PNLIPRP3: variants seen among roughly 807,000 people sequenced by gnomAD.
PNLIPRP3 encodes the protein pancreatic lipase-related protein 3.
PNLIPRP3 carries 58 observed loss-of-function variants against 52.8 expected under a neutral mutation model. The observed-to-expected ratio is 1.10, with a 90% CI of 0.89 to 1.37. PNLIPRP3 has a LOEUF of 1.37. PNLIPRP3 is among the 40% of genes most tolerant of loss of function. The pLI is 0.00. For missense variants in PNLIPRP3, 593 were observed against 561.6 expected (o/e 1.06, Z -0.57); for synonymous variants, 192 against 185.0 (o/e 1.04, Z -0.31).
In PNLIPRP3 at chr10:116,477,271, C is replaced by T; in HGVS notation, c.*118C>T. The T allele has an allele frequency of 2.7e-6, 2 of 749,786 alleles. No homozygotes were observed. The highest frequency in any genetic ancestry group is 3.7e-5 in the South Asian group (2 of 53,492). 46.4% of individuals were successfully genotyped at this position (749,786 alleles called of 1,614,324 possible). ...AAATGACTTAGTCATTTACAAGGGT[C>T]TTACTCAGAGTCAAGTACGGGTTTG... On this transcript the variant is annotated 3_prime_UTR_variant, in exon 12 of 12. Transcript: ENST00000369230.
intron 2 of PNLIPRP3, among the ~76,000 whole-genome samples, chr10:116,441,064 T>G (rs1845851668): frequency 6.6e-6 from 1 of 152,208 alleles, no homozygotes; most frequent in African/African-American, 2.4e-5. Context: ...GTTTCTATCC[T>G]TGTGGCAGCA....
chr10:116,436,965 C>T (rs969294826), intron 2 of PNLIPRP3, 100 bp downstream of exon 2: 5 of 1,193,064 alleles, frequency 4.2e-6, no homozygotes, highest in Admixed American at 2.6e-5. Flanking sequence ...CTGACATATG[C>T]TATTGACTTA....
At position 116,463,116 on chromosome 10, in the gene PNLIPRP3, T is replaced by C. The variant is rs576556920; in HGVS notation, c.808+1826T>C. Reference sequence around the variant, plus strand: ...GTCTTTGTTTAATAAAAATGGATGATGCCAATTATTAATCTGTGCTGACGA... The same window carrying C: ...GTCTTTGTTTAATAAAAATGGATGACGCCAATTATTAATCTGTGCTGACGA... On this transcript the variant is annotated intron_variant, in intron 7 of 11. Transcript: ENST00000369230. Among the ~76,000 whole-genome samples, 8 of 152,370 alleles carry C rather than the reference T, an allele frequency of 5.3e-5. No homozygotes were observed. In the South Asian group the frequency reaches 6.2e-4, roughly 12 times the overall value.
At chr10:116,458,779 G>A (rs955552558) in intron 5 of PNLIPRP3, among the ~76,000 whole-genome samples, 1 of 152,062 alleles carries the variant, frequency 6.6e-6, no homozygotes, top group African/African-American at 2.4e-5. Context: ...CTTGTCAATA[G>A]AAGCGCTGTG....
intron 2 of PNLIPRP3, among the ~76,000 whole-genome samples, chr10:116,442,136 T>A (rs1845867270): frequency 6.6e-6 from 1 of 152,214 alleles, no homozygotes; most frequent in Non-Finnish European, 1.5e-5. Flanking sequence ...AGTATTCATT[T>A]TTTCCAATAG....
intron 4 of PNLIPRP3, among the ~76,000 whole-genome samples, chr10:116,450,914 C>T (rs964276526): frequency 8.6e-5 from 13 of 151,514 alleles, no homozygotes; most frequent in East Asian, 5.8e-4. Context: ...TTCCAGTGGC[C>T]TTTTTTTTAA....
chr10:116,476,917 T>G (rs1846479264), intron 11 of PNLIPRP3, 98 bp downstream of exon 11: 1 of 1,326,706 alleles, frequency 7.5e-7, no homozygotes, highest in Non-Finnish European at 1.0e-6. Context: ...GCATAAAAAT[T>G]TATAGACTTT....
At chr10:116,462,593 C>G (rs1266517935) in intron 7 of PNLIPRP3, among the ~76,000 whole-genome samples, 1 of 152,116 alleles carries the variant, frequency 6.6e-6, no homozygotes, top group Non-Finnish European at 1.5e-5. Context: ...AAAACCCACA[C>G]AACTGTCTAA....
At chr10:116,456,509 A>C (rs1846115818) in intron 5 of PNLIPRP3, among the ~76,000 whole-genome samples, 1 of 152,222 alleles carries the variant, frequency 6.6e-6, no homozygotes, top group Non-Finnish European at 1.5e-5. Flanking sequence ...AATGAGTTTG[A>C]ATCCCACTGA....
At chr10:116,471,412 T>C (rs1846370351) in intron 9 of PNLIPRP3, among the ~76,000 whole-genome samples, 1 of 152,240 alleles carries the variant, frequency 6.6e-6, no homozygotes, top group Non-Finnish European at 1.5e-5. Context: ...AACTTGGCTA[T>C]AGAAAGTATA....
rs1846492974 is a variant in PNLIPRP3, at chr10:116,477,479, C to T, written c.*326C>T. On this transcript the variant is annotated 3_prime_UTR_variant, in exon 12 of 12. Coordinates refer to ENST00000369230, the MANE Select transcript of PNLIPRP3 (RefSeq NM_001011709.3). ...ATGTTGAGTGTATAAACTCACTGGACAAAAGTAAGCCTCTGGCTTGCTGAG... is the reference window on the plus strand; with the variant it reads ...ATGTTGAGTGTATAAACTCACTGGATAAAAGTAAGCCTCTGGCTTGCTGAG... 5.5e-6 allele frequency: 1 copy of T among 180,632 alleles called. No homozygotes were observed. The highest frequency in any genetic ancestry group is 1.1e-5 in the Non-Finnish European group (1 of 88,010). 11.2% of individuals were successfully genotyped at this position (180,632 alleles called of 1,614,324 possible). A position where few individuals can be genotyped will look rare whatever the true frequency, so the allele number is the denominator to read the frequency against.
chr10:116,456,779 C>T (rs1360430624), intron 5 of PNLIPRP3, among the ~76,000 whole-genome samples: 1 of 152,170 alleles, frequency 6.6e-6, no homozygotes, highest in Non-Finnish European at 1.5e-5. Context: ...TCTGCATCCC[C>T]CCACCAACAG....
intron 5 of PNLIPRP3, among the ~76,000 whole-genome samples, chr10:116,457,500 T>C (rs187808452): frequency 1.5e-3 from 231 of 152,326 alleles, no homozygotes; most frequent in African/African-American, 5.2e-3. Flanking sequence ...AACAGGCTTA[T>C]TCCTGCTATA....
Position 116,461,161 on chromosome 10 carries a change from A to G in PNLIPRP3, c.686-7A>G. ...AGAGGCATTTACCCTGTTTTTATTT[A>G]TTTCAGGTGTTGGAACCATTGATGC... is the stretch of plus-strand genomic sequence containing the variant. On this transcript the variant is annotated splice_region_variant and splice_polypyrimidine_tract_variant and intron_variant, in intron 6 of 11. Transcript: ENST00000369230. The G allele has an allele frequency of 6.2e-7, 1 of 1,614,096 alleles. No homozygotes were observed.
At chr10:116,455,351 C>CGG (rs10639896) in intron 4 of PNLIPRP3, among the ~76,000 whole-genome samples, 2 of 152,212 alleles carry the variant, frequency 1.3e-5, no homozygotes, top group Non-Finnish European at 2.9e-5. Flanking sequence ...AGGTGGATAA[C>CGG]TGTAGGAATG....
chr10:116,473,625 G>T (rs1317188985), intron 10 of PNLIPRP3, among the ~76,000 whole-genome samples: 2 of 152,010 alleles, frequency 1.3e-5, no homozygotes, highest in African/African-American at 4.8e-5. Context: ...GGGTTCAAGT[G>T]ATTATCCTGC....
chr10:116,461,188 T>G lies in PNLIPRP3; in HGVS notation c.706T>G (p.Cys236Gly), dbSNP rs1430665708. 6.2e-7 allele frequency: 1 copy of G among 1,614,202 alleles called. No individual in the cohort carries two copies. Among genetic ancestry groups the G allele is most frequent in the East Asian group, 2.2e-5 (1 of 44,884 alleles). ...FELGVGTIDA[C>G]GHLDFYPNGG... is the part of the protein sequence containing the mutation. ...TTCAGGTGTTGGAACCATTGATGCT[T>G]GTGGTCATCTTGACTTTTACCCAAA... The change falls in exon 7 of 12, where the codon TGT (cysteine) becomes GGT (glycine). Residue 236 changes from cysteine to glycine, a missense_variant. Physicochemically the swap from Cys to Gly is radical, Grantham distance 159 (BLOSUM62 -3). Coordinates refer to ENST00000369230, the MANE Select transcript of PNLIPRP3 (RefSeq NM_001011709.3).
chr10:116,477,024 T>C, intron 11 of PNLIPRP3, 66 bp from the exon 12 acceptor site: 1 of 1,351,802 alleles, frequency 7.4e-7, no homozygotes, highest in East Asian at 2.3e-5. Context: ...TCGGGGGATC[T>C]ACCGTGTCTT....
intron 4 of PNLIPRP3, 113 bp downstream of exon 4, chr10:116,444,626 G>A: frequency 9.3e-7 from 1 of 1,072,056 alleles, no homozygotes; most frequent in Non-Finnish European, 1.4e-6. Flanking sequence ...TACTGAACAT[G>A]TGAAATAATA....
Sources: allele counts gnomAD v4.1 joint callset (sites outside exome capture counted in the v4.1 genomes callset), GRCh38; gene constraint gnomAD v4.1.1; transcripts MANE v1.5; gene names NCBI Gene and HGNC (gene_info 2026-07-23, HGNC 2026-07-21).